The following FYN variants were observed in gnomAD, a reference collection of about 807,000 sequenced individuals.
FYN encodes tyrosine-protein kinase Fyn.
Under a neutral mutation model 70.2 loss-of-function variants are expected in FYN, and 10 were observed. That is an observed-to-expected ratio of 0.14 (90% CI 0.09 to 0.24). The LOEUF (loss-of-function observed/expected upper bound fraction) is 0.24. Ranked by LOEUF, FYN falls within the 10% of genes least tolerant of loss-of-function variation. The pLI is 1.00. For missense variants in FYN, 319 were observed against 673.1 expected (o/e 0.47, Z 5.82); for synonymous variants, 236 against 248.6 (o/e 0.95, Z 0.48).
intron 12 of FYN, among the ~76,000 whole-genome samples, chr6:111,679,176 T>C (rs1798678349): frequency 6.6e-6 from 1 of 152,208 alleles, no homozygotes; most frequent in African/African-American, 2.4e-5. Flanking sequence ...GGCTATTTCC[T>C]TTATCAAAAG....
At chr6:111,849,652 G>C (rs1773631445) in intron 1 of FYN, among the ~76,000 whole-genome samples, 1 of 152,138 alleles carries the variant, frequency 6.6e-6, no homozygotes, top group South Asian at 2.1e-4. Context: ...GCCAGAAGTA[G>C]CACTGTACCA....
chr6:111,692,486 A>G (rs2128432642), intron 12 of FYN, among the ~76,000 whole-genome samples: 1 of 152,280 alleles, frequency 6.6e-6, no homozygotes, highest in Middle Eastern at 3.4e-3. Flanking sequence ...CCACAGCCTG[A>G]GGAGCCTCAC....
intron 2 of FYN, among the ~76,000 whole-genome samples, chr6:111,784,371 C>T (rs1305773559): frequency 5.3e-5 from 8 of 152,142 alleles, no homozygotes; most frequent in African/African-American, 1.2e-4. Flanking sequence ...AATGCCAAGG[C>T]CCTGGGCTCA....
rs1318063098 is a variant in FYN at position 111,674,495 on chromosome 6, T to C, written c.1405+4A>G. 6.2e-7 allele frequency: 1 copy of C among 1,611,512 alleles called. No individual in the cohort carries two copies. The highest frequency in any genetic ancestry group is 8.5e-7 in the Non-Finnish European group (1 of 1,178,426). ...GGCCCATGTCTGTGAGGCCCTGCTC[T>C]TACCTGGGTATGGCACTCTTCCTTT... On this transcript the variant is annotated splice_donor_region_variant and intron_variant, in intron 13 of 13. Coordinates refer to ENST00000354650, the MANE Select transcript of FYN (RefSeq NM_002037.5).
intron 12 of FYN, among the ~76,000 whole-genome samples, chr6:111,692,032 C>G (rs987783144): frequency 6.6e-6 from 1 of 152,080 alleles, no homozygotes; most frequent in African/African-American, 2.4e-5. Flanking sequence ...CTCCCTACCC[C>G]TCTGCTGCAG....
chr6:111,817,013 A>G (rs1342103726), intron 2 of FYN, among the ~76,000 whole-genome samples: 1 of 152,226 alleles, frequency 6.6e-6, no homozygotes, highest in Non-Finnish European at 1.5e-5. Flanking sequence ...TTAACAGGAT[A>G]TACATGTATA....
chr6:111,785,526 T>G (rs1285436564), intron 2 of FYN, among the ~76,000 whole-genome samples: 1 of 152,214 alleles, frequency 6.6e-6, no homozygotes, highest in Non-Finnish European at 1.5e-5. Flanking sequence ...ACTTCTCATG[T>G]CACTCCCAGA....
At chr6:111,686,213 T>C (rs1369241018) in intron 12 of FYN, among the ~76,000 whole-genome samples, 1 of 152,122 alleles carries the variant, frequency 6.6e-6, no homozygotes, top group Non-Finnish European at 1.5e-5. Context: ...GCTCAGCAGA[T>C]AAACAAAGCC....
intron 1 of FYN, among the ~76,000 whole-genome samples, chr6:111,855,955 A>G (rs960665387): frequency 2.0e-4 from 31 of 152,200 alleles, no homozygotes; most frequent in Non-Finnish European, 3.8e-4. Context: ...TAATATCTTG[A>G]CTTGTGGCAA....
chr6:111,792,874 T>C (rs1329319935), intron 2 of FYN, among the ~76,000 whole-genome samples: 3 of 152,186 alleles, frequency 2.0e-5, no homozygotes, highest in African/African-American at 7.2e-5. Context: ...TGATGGAAAC[T>C]GGGGTGTATT....
intron 2 of FYN, among the ~76,000 whole-genome samples, chr6:111,830,828 AC>A (rs1562537207): frequency 6.6e-6 from 1 of 152,162 alleles, no homozygotes; most frequent in Non-Finnish European, 1.5e-5. Context: ...TGTTTCTGTC[AC>A]ATTTAGACTG....
At chr6:111,755,183 T>A (rs1027301398) in intron 3 of FYN, among the ~76,000 whole-genome samples, 2 of 152,164 alleles carry the variant, frequency 1.3e-5, no homozygotes, top group African/African-American at 4.8e-5. Context: ...ATTTTGATAC[T>A]TTTTTTGTTT....
chr6:111,688,868 AG>A (rs147194609), intron 12 of FYN, among the ~76,000 whole-genome samples: 1,929 of 152,220 alleles, frequency 0.013, 33 homozygotes, highest in African/African-American at 0.039. Flanking sequence ...GTCCGGGGTG[AG>A]GGGGCCCTTG....
intron 13 of FYN, among the ~76,000 whole-genome samples, chr6:111,662,451 G>A (rs548124265): frequency 3.9e-5 from 6 of 152,238 alleles, no homozygotes; most frequent in South Asian, 4.1e-4. Context: ...CTTTAAAAAC[G>A]TACAAAACAA....
chr6:111,770,252 TA>T (rs895126796), intron 3 of FYN, among the ~76,000 whole-genome samples: 47 of 152,314 alleles, frequency 3.1e-4, no homozygotes, highest in Admixed American at 1.2e-3. Flanking sequence ...TAAATGATAA[TA>T]TTTTGGACAT....
In FYN at chr6:111,801,126, A is replaced by G. The variant is rs545378578; in HGVS notation, c.-81-20491T>C. Among the ~76,000 whole-genome samples, 4 of 152,316 alleles carry G rather than the reference A, an allele frequency of 2.6e-5. No homozygotes were observed. The East Asian group carries it at 5.8e-4, about 22-fold the overall frequency. ...GTGTACATTTAGCCACTGAGAGTCT[A>G]GTTTCATACCTGAGAGATCTGGAAA... On this transcript the variant is annotated intron_variant, in intron 2 of 13. Transcript: ENST00000354650.
chr6:111,786,375 C>G (rs954349992), intron 2 of FYN, among the ~76,000 whole-genome samples: 1 of 152,146 alleles, frequency 6.6e-6, no homozygotes, highest in African/African-American at 2.4e-5. Flanking sequence ...CATGTCCCTA[C>G]AAAGGACATG....
chr6:111,669,941 G>A (rs1798193884), intron 13 of FYN, among the ~76,000 whole-genome samples: 1 of 151,854 alleles, frequency 6.6e-6, no homozygotes, highest in African/African-American at 2.4e-5. Flanking sequence ...CACCCCATTT[G>A]GTCTGGACAT....
At chr6:111,839,044 CA>C (rs930823029) in intron 2 of FYN, among the ~76,000 whole-genome samples, 10 of 152,208 alleles carry the variant, frequency 6.6e-5, no homozygotes, top group Non-Finnish European at 1.2e-4. Context: ...CTTTTGGACT[CA>C]GCTCTTTGCA....
Sources: allele counts gnomAD v4.1 joint callset (sites outside exome capture counted in the v4.1 genomes callset), GRCh38; gene constraint gnomAD v4.1.1; transcripts MANE v1.5; gene names NCBI Gene and HGNC (gene_info 2026-07-23, HGNC 2026-07-21).